The following SELENON variants were observed in gnomAD, a reference collection of about 807,000 sequenced individuals.
SELENON encodes selenoprotein N, 1.
Under a neutral mutation model 59.5 loss-of-function variants are expected in SELENON, and 44 were observed. That is an observed-to-expected ratio of 0.74 (90% CI 0.58 to 0.95). The LOEUF (loss-of-function observed/expected upper bound fraction) is 0.95, where lower values mean the gene tolerates loss of function less well. SELENON is among the 40% of genes least tolerant of loss of function. SELENON has a pLI of 0.00. For missense variants in SELENON, 674 were observed against 721.4 expected, an observed-to-expected ratio of 0.93 and a Z score of 0.75; for synonymous variants, 320 against 305.6, an observed-to-expected ratio of 1.05 and a Z score of -0.49.
chr1:25,810,511 C>T (rs906681918), intron 7 of SELENON, among the ~76,000 whole-genome samples: 1 of 152,204 alleles, frequency 6.6e-6, no homozygotes, highest in Non-Finnish European at 1.5e-5. Context: ...GGCTGGGAGC[C>T]AGGAGGTCTG....
chr1:25,802,734 G>T (rs566970415), intron 3 of SELENON, among the ~76,000 whole-genome samples: 1 of 152,210 alleles, frequency 6.6e-6, no homozygotes, highest in Admixed American at 6.5e-5. Context: ...AAGATGAGGG[G>T]CTGAAACATT....
chr1:25,809,642 A>G, intron 6 of SELENON, 41 bp from the exon 6 acceptor site: 3 of 1,611,042 alleles, frequency 1.9e-6, no homozygotes, highest in Non-Finnish European at 2.5e-6. Context: ...TCCTGGGGAG[A>G]AGGTGGGCAG....
intron 7 of SELENON, among the ~76,000 whole-genome samples, chr1:25,810,942 A>C (rs1440425217): frequency 6.6e-6 from 1 of 151,988 alleles, no homozygotes; most frequent in Non-Finnish European, 1.5e-5. Flanking sequence ...GGGACTGCTG[A>C]CCCCCGGGGG....
chr1:25,805,103 G>C (rs1208316535), intron 3 of SELENON, 39 bp from the exon 3 acceptor site: 1 of 1,611,370 alleles, frequency 6.2e-7, no homozygotes. Context: ...GAGCCCTGTA[G>C]CATAAGGGCA....
intron 4 of SELENON, among the ~76,000 whole-genome samples, chr1:25,806,619 GGTCA>G: frequency 6.6e-6 from 1 of 152,208 alleles, no homozygotes; most frequent in African/African-American, 2.4e-5. Flanking sequence ...TAGAGAATGA[GGTCA>G]GTCTGCACAT....
In SELENON at chr1:25,815,651, C is replaced by G. The variant is rs762376388; in HGVS notation, c.1706C>G (p.Ser569Cys). 6.2e-7 allele frequency: 1 copy of G among 1,614,214 alleles called. No individual in the cohort carries two copies. The highest frequency in any genetic ancestry group is 1.1e-5 in the South Asian group (1 of 91,086). The change falls in exon 13 of 13, where the codon TCC becomes TGC. Residue 569 changes from serine to cysteine, a missense_variant. Coordinates refer to ENST00000361547, the MANE Select transcript of SELENON (RefSeq NM_020451.3). The stretch of plus-strand genomic sequence containing the variant: ...TTCTCATCCACCTTTGAAGACCCGT[C>G]CACGGCCACCTACATGCAGTTCCTG...
In SELENON at chr1:25,807,447, G is replaced by A. The variant is rs531064633; in HGVS notation, c.538-1133G>A. ...CTGACCTTCCACAAAAGGAGATGGG[G>A]AACCCATCTCCATGGATTTGGCAGT... is the stretch of plus-strand genomic sequence containing the variant. On this transcript the variant is annotated intron_variant, in intron 4 of 12. Coordinates refer to ENST00000361547, the MANE Select transcript of SELENON (RefSeq NM_020451.3). This position sits in a 1 kb window ranked among gnomAD's most constrained non-coding sequence, Gnocchi z 4.5. 2.0e-5 allele frequency among the ~76,000 whole-genome samples: 3 copies of A among 152,202 alleles called. No homozygotes were observed. Among genetic ancestry groups the A allele is most frequent in the Non-Finnish European group, 4.4e-5 (3 of 68,038 alleles).
Position 25,807,550 on chromosome 1 carries a change from G to A in SELENON, c.538-1030G>A, listed in dbSNP as rs760519680. Among the ~76,000 whole-genome samples the A allele has an allele frequency of 2.6e-5, 4 of 152,156 alleles. No homozygotes were observed. The highest frequency in any genetic ancestry group is 5.9e-5 in the Non-Finnish European group (4 of 68,016). ...GGCAGGAGCAGCACCCCTAGCCCTG[G>A]CCCCCGAGCAGAGCCCCAGCAAGCC... On this transcript the variant is annotated intron_variant, in intron 4 of 12. Transcript: ENST00000361547. This position sits in a 1 kb window ranked among gnomAD's most constrained non-coding sequence, Gnocchi z 4.5.
At position 25,805,202 on chromosome 1, in the gene SELENON, C is replaced by T. The variant is rs755808880; in HGVS notation, c.464C>T (p.Thr155Met). The T allele has an allele frequency of 1.7e-5, 28 of 1,614,024 alleles. No homozygotes were observed. The highest frequency in any genetic ancestry group is 3.3e-5 in the South Asian group (3 of 91,084). Residue 155 changes from threonine (T) to methionine (M), a missense_variant, in exon 4 of 13, where the codon ACG becomes ATG. Thr to Met is a moderately conservative substitution (Grantham distance 81). Transcript: ENST00000361547. The stretch of plus-strand genomic sequence containing the variant: ...TTGCCCCCTGACCCTAGCGAGGAGA[C>T]GCTCACCATAGAAGCCCGATTCCAG...
intron 9 of SELENON, 127 bp from the exon 9 acceptor site, chr1:25,812,560 C>T (rs565376328): frequency 1.7e-6 from 1 of 595,706 alleles, no homozygotes; most frequent in Admixed American, 2.6e-5. Context: ...TATGCCTACA[C>T]ACAAACACAC....
intron 4 of SELENON, among the ~76,000 whole-genome samples, chr1:25,805,750 G>A (rs1195216342): frequency 6.6e-6 from 1 of 152,172 alleles, no homozygotes; most frequent in Non-Finnish European, 1.5e-5. Context: ...TGATGATCTA[G>A]ACCTGAGGTT....
In SELENON at chr1:25,814,082, C is replaced by A. The variant is rs2294228; in HGVS notation, c.1506C>A (p.Asn502Lys). ...GTGTGCAACTGTCCCCACAGAACAA[C>A]CAGGAGAACTCGTCCCACCAGAAGC... Residue 502 changes from asparagine to lysine, a missense_variant, in exon 12 of 13, where the codon AAC (asparagine) becomes AAA (lysine). Asn to Lys is a moderately conservative substitution (Grantham distance 94, BLOSUM62 0). Coordinates refer to ENST00000361547, the MANE Select transcript of SELENON (RefSeq NM_020451.3). 0.77 allele frequency: 1,247,187 copies of A among 1,613,192 alleles called. 493,293 individuals carry two copies. The highest frequency in any genetic ancestry group is 0.96 in the East Asian group (43,130 of 44,870).
In SELENON at chr1:25,815,562, T is replaced by G. The variant is rs1356883729; in HGVS notation, c.1617T>G (p.Asn539Lys). ...CCTTCTCCCAGGTCCATCACATCAA[T>G]GCCAACTACTTCTTGGACATCACCT... Residue 539 changes from asparagine (N) to lysine (K), a missense_variant, in exon 13 of 13, where the codon AAT becomes AAG. By Grantham distance (94) the Asn-to-Lys change is moderately conservative (BLOSUM62 0). Transcript: ENST00000361547. 2.5e-6 allele frequency: 4 copies of G among 1,614,106 alleles called. No homozygotes were observed. In the African/African-American group the frequency reaches 5.3e-5, roughly 22 times the overall value.
chr1:25,814,938 G>A (rs1460647894), intron 12 of SELENON, among the ~76,000 whole-genome samples: 1 of 152,132 alleles, frequency 6.6e-6, no homozygotes, highest in East Asian at 1.9e-4. Context: ...AAAGGAAAGG[G>A]CACCAGGCGG....
intron 12 of SELENON, 43 bp from the exon 12 acceptor site, chr1:25,815,505 G>A: frequency 6.3e-7 from 1 of 1,598,096 alleles, no homozygotes; most frequent in Non-Finnish European, 8.6e-7. Flanking sequence ...GGAGCCTGGG[G>A]GCCCCCCTCC....
rs1287402109 is a variant in SELENON, at chr1:25,815,733, A to T, written c.*15A>T. On this transcript the variant is annotated 3_prime_UTR_variant, in exon 13 of 13. Transcript: ENST00000361547. ...TCCAGCCCTAGAGTGCCTGGACGGG[A>T]TCTGATGCACAGGCCCCCACGCCTC... 1 of 1,613,058 alleles carries T rather than the reference A, an allele frequency of 6.2e-7. No individual in the cohort carries two copies.
chr1:25,812,918 G>A (rs1228598448), intron 10 of SELENON, 126 bp downstream of exon 9: 1 of 703,158 alleles, frequency 1.4e-6, no homozygotes, highest in South Asian at 1.8e-5. Context: ...GCCCATGGTA[G>A]GGGCGTGGGG....
chr1:25,806,591 C>T (rs541166132), intron 4 of SELENON, among the ~76,000 whole-genome samples: 3 of 151,858 alleles, frequency 2.0e-5, no homozygotes, highest in Non-Finnish European at 4.4e-5. Context: ...GGACTGTAGG[C>T]GGGGAGGGAG....
Position 25,809,828 on chromosome 1 carries a change from C to G in SELENON, c.1010+8C>G. 1 of 1,612,892 alleles carries G rather than the reference C, an allele frequency of 6.2e-7. No homozygotes were observed. Among genetic ancestry groups the G allele is most frequent in the Non-Finnish European group, 8.5e-7 (1 of 1,180,006 alleles). ...CTTCGTGCCCAACCACAGGTGGGAG[C>G]TTGACCCTGGCCCAGCCTTGGCTCC... On this transcript the variant is annotated splice_region_variant and intron_variant, in intron 7 of 12. Coordinates refer to ENST00000361547, the MANE Select transcript of SELENON (RefSeq NM_020451.3).
Sources: gnomAD v4.1 joint callset for allele counts (sites outside exome capture counted in the v4.1 genomes callset) on GRCh38, gnomAD v4.1.1 for gene constraint, Gnocchi (gnomAD v3.1) non-coding constraint, MANE v1.5 for transcripts, NCBI Gene and HGNC (gene_info 2026-07-23, HGNC 2026-07-21) for gene names.